Variants in FRMD8 observed in about 807,000 individuals in gnomAD.
The protein encoded by FRMD8 is FERM domain-containing protein 8.
FRMD8 carries 37 observed loss-of-function variants against 54.2 expected under a neutral mutation model. The ratio of observed to expected loss-of-function variants is 0.68; its 90% CI spans 0.53 to 0.90. The LOEUF is 0.90. FRMD8 is among the 40% of genes least tolerant of loss of function. FRMD8 has a pLI of 0.00. For synonymous variants in FRMD8, 246 were observed against 286.9 expected (o/e 0.86, Z 1.44); for missense variants, 585 against 653.7 (o/e 0.89, Z 1.15).
chr11:65,401,517 C>T (rs1339689541), intron 9 of FRMD8, among the ~76,000 whole-genome samples: 1 of 150,686 alleles, frequency 6.6e-6, no homozygotes, highest in Admixed American at 6.6e-5. Context: ...TCATTCCACA[C>T]CTCTCCGGCT....
At chr11:65,383,869 GCT>G (rs1855685732), upstream of FRMD8, among the ~76,000 whole-genome samples, 1 of 152,058 alleles carries the variant, frequency 6.6e-6, no homozygotes, top group Non-Finnish European at 1.5e-5. Flanking sequence ...TGACAAATTG[GCT>G]CTGTCTAGGC....
the FRMD8 span, among the ~76,000 whole-genome samples, chr11:65,368,689 G>A: frequency 2.6e-5 from 4 of 152,010 alleles, no homozygotes; most frequent in Admixed American, 6.6e-5. Flanking sequence ...TCAGCCTCCC[G>A]AGTAGCTGGG....
intron 7 of FRMD8, 73 bp from the exon 8 acceptor site, chr11:65,399,663 A>G: frequency 3.2e-6 from 5 of 1,567,284 alleles, no homozygotes; most frequent in Non-Finnish European, 4.3e-6. Context: ...CTCAGAGCCC[A>G]GGTTGGGGCC....
chr11:65,405,090 G>A lies in FRMD8; in HGVS notation c.1276+22G>A, dbSNP rs777359455. Reference sequence around the variant, plus strand: ...GACGGTGAGCAGCCCTTCTGTGCATGTGCACACACAAACACGCATGCGCGT... The same window carrying A: ...GACGGTGAGCAGCCCTTCTGTGCATATGCACACACAAACACGCATGCGCGT... On this transcript the variant is annotated intron_variant, in intron 10 of 10. Transcript: ENST00000317568. 1.9e-5 allele frequency: 31 copies of A among 1,608,868 alleles called. No homozygotes were observed. The South Asian group carries it at 2.6e-4, about 14-fold the overall frequency.
In FRMD8 at chr11:65,389,362, G is replaced by C. The variant is rs576749920; in HGVS notation, c.87G>C (p.Ala29=). 6.2e-7 allele frequency: 1 copy of C among 1,609,876 alleles called. No homozygotes were observed. Among genetic ancestry groups the C allele is most frequent in the South Asian group, 1.1e-5 (1 of 91,084 alleles). The change falls in exon 3 of 11, where the codon GCG becomes GCC. Residue 29 remains alanine, a splice_region_variant and synonymous_variant. Coordinates refer to ENST00000317568, the MANE Select transcript of FRMD8 (RefSeq NM_031904.5). Reference sequence around the variant, plus strand: ...GAGCCTGCCTGGTCTCCATCACAGCGGCTGACGTGCTGGTATACCTAGCGG... The same window carrying C: ...GAGCCTGCCTGGTCTCCATCACAGCCGCTGACGTGCTGGTATACCTAGCGG... ...RSSVSSVGAR[A]ADVLVYLADD... is the part of the protein sequence containing the mutation.
In FRMD8 at chr11:65,400,892, G is replaced by A. The variant is rs142994338; in HGVS notation, c.1071+25G>A. On this transcript the variant is annotated intron_variant, in intron 9 of 10. Coordinates refer to ENST00000317568, the MANE Select transcript of FRMD8 (RefSeq NM_031904.5). The surrounding 1 kb of genome is among the most constrained non-coding windows in gnomAD (Gnocchi z 4.3). ...GGTAGCGCGGGTGGTGCCTGCACAC[G>A]GGTGGGGAGGCTGGGCCCAGGTGCC... 6.7e-4 allele frequency: 1,052 copies of A among 1,567,514 alleles called. 10 individuals are homozygous for A. The African/African-American group carries it at 0.011, about 17-fold the overall frequency.
At chr11:65,376,744 C>T in the FRMD8 span, 6 of 1,613,826 alleles carry the variant, frequency 3.7e-6, no homozygotes, top group Non-Finnish European at 5.1e-6. Flanking sequence ...CCCTAGTTTC[C>T]TTCCCCAGTC....
At chr11:65,380,500 C>T in the FRMD8 span, 229 of 1,373,536 alleles carry the variant, frequency 1.7e-4, no homozygotes, top group South Asian at 2.6e-4. Flanking sequence ...GCCTATGAGC[C>T]GCGGGACTCT....
chr11:65,379,710 C>T, the FRMD8 span: 2 of 1,258,376 alleles, frequency 1.6e-6, no homozygotes, highest in Non-Finnish European at 2.2e-6. Flanking sequence ...TGAGGCTGCG[C>T]CTCTGGGGTG....
intron 7 of FRMD8, among the ~76,000 whole-genome samples, chr11:65,399,125 G>A (rs777165375): frequency 4.6e-5 from 7 of 151,848 alleles, no homozygotes; most frequent in Non-Finnish European, 7.4e-5. Flanking sequence ...AGCCTCCGGA[G>A]TAGCTGGGAT....
chr11:65,407,526 A>G (rs1416615536), intron 10 of FRMD8, among the ~76,000 whole-genome samples: 1 of 151,118 alleles, frequency 6.6e-6, no homozygotes, highest in Non-Finnish European at 1.5e-5. Flanking sequence ...TGCTGGGATT[A>G]CAGTGTGAGC....
At chr11:65,376,069 CAAAAAAAA>C in the FRMD8 span, 10 of 107,312 alleles carry the variant, frequency 9.3e-5, no homozygotes, top group Non-Finnish European at 1.4e-4. Context: ...GACTCCATCT[CAAAAAAAA>C]AAAAAAAAAA....
chr11:65,386,728 G>A lies in FRMD8; in HGVS notation c.-34G>A, dbSNP rs1380137311. ...GGGCAGGATTCCAGGCAGGAGCCTT[G>A]CCTCTCAGGTGGCGGGCTCTGCGAC... On this transcript the variant is annotated 5_prime_UTR_variant, in exon 1 of 11. Transcript: ENST00000317568. The A allele has an allele frequency of 5.1e-6, 2 of 390,370 alleles. No homozygotes were observed. The highest frequency in any genetic ancestry group is 9.2e-6 in the Non-Finnish European group (2 of 217,450). 24.2% of individuals were successfully genotyped at this position (390,370 alleles called of 1,614,324 possible).
rs1433240045 is a variant in FRMD8, at chr11:65,404,536, G to A, written c.1072-328G>A. Among the ~76,000 whole-genome samples the A allele has an allele frequency of 3.8e-5, 5 of 131,474 alleles. No individual in the cohort carries two copies. The highest frequency in any genetic ancestry group is 6.0e-5 in the African/African-American group (2 of 33,612). The allele number at this position is 131,474 out of a possible 152,430, so 86.3% of individuals were successfully genotyped here. A position where few individuals can be genotyped will look rare whatever the true frequency, so the allele number is the denominator to read the frequency against. On this transcript the variant is annotated intron_variant, in intron 9 of 10. Coordinates refer to ENST00000317568, the MANE Select transcript of FRMD8 (RefSeq NM_031904.5). The surrounding 1 kb of genome is among the most constrained non-coding windows in gnomAD (Gnocchi z 4.7). ...TCCCCGCCCCGCTTCCCCACTCTTC[G>A]TCCTCTCTGCAGCAGCTGGCTCCCT...
chr11:65,374,920 T>C, the FRMD8 span, among the ~76,000 whole-genome samples: 3 of 151,838 alleles, frequency 2.0e-5, no homozygotes, highest in Non-Finnish European at 2.9e-5. Flanking sequence ...TGAGCTATAA[T>C]GGCACCACTG....
chr11:65,394,959 T>G (rs1261902272), intron 6 of FRMD8, among the ~76,000 whole-genome samples: 1 of 152,148 alleles, frequency 6.6e-6, no homozygotes, highest in Admixed American at 6.5e-5. Flanking sequence ...ATAATTCCAG[T>G]GAAGGGGCCG....
intron 10 of FRMD8, among the ~76,000 whole-genome samples, chr11:65,409,645 A>G (rs952575564): frequency 2.7e-4 from 41 of 152,024 alleles, no homozygotes; most frequent in African/African-American, 9.2e-4. Context: ...TCACGCCTGA[A>G]GTCCCAGCTA....
At chr11:65,405,183 C>T (rs972858701) in intron 10 of FRMD8, 115 bp downstream of exon 10, 1 of 1,025,784 alleles carries the variant, frequency 9.7e-7, no homozygotes, top group Admixed American at 2.0e-5. Flanking sequence ...TGTGAGCTGG[C>T]CTCCATCTCA....
intron 5 of FRMD8, 32 bp from the exon 6 acceptor site, chr11:65,394,227 T>C: frequency 6.3e-7 from 1 of 1,593,452 alleles, no homozygotes; most frequent in Non-Finnish European, 8.5e-7. Context: ...CCAGCCCAGC[T>C]GAGCGGCTGT....
Sources: allele counts gnomAD v4.1 joint callset (sites outside exome capture counted in the v4.1 genomes callset), GRCh38; gene constraint gnomAD v4.1.1; non-coding constraint Gnocchi (gnomAD v3.1); transcripts MANE v1.5; gene names NCBI Gene and HGNC (gene_info 2026-07-23, HGNC 2026-07-21).